Variants in GABRR1 observed in about 807,000 individuals in gnomAD.
The protein encoded by GABRR1 is gamma-aminobutyric acid receptor subunit rho-1.
GABRR1 carries 59 observed loss-of-function variants against 55.5 expected under a neutral mutation model. The ratio of observed to expected loss-of-function variants is 1.06; its 90% CI spans 0.86 to 1.32. GABRR1 has a LOEUF of 1.32. Among genes scored for constraint, GABRR1 ranks in the 40% most tolerant of loss-of-function variants. The pLI is 0.00. For synonymous variants in GABRR1, 213 were observed against 226.0 expected (o/e 0.94, Z 0.51); for missense variants, 602 against 619.1 (o/e 0.97, Z 0.29).
rs371204405 is a variant in GABRR1, at chr6:89,194,735, C to T, written c.572+3285G>A. 1.1e-4 allele frequency among the ~76,000 whole-genome samples: 16 copies of T among 151,974 alleles called. 2 individuals carry two copies. Among genetic ancestry groups the T allele is most frequent in the Admixed American group, 3.9e-4 (6 of 15,268 alleles). ...TCCTGGAACTGAGAAATACATTTGC[C>T]GAACTGAAGAACTCTTTAGAGGCTC... On this transcript the variant is annotated intron_variant, in intron 5 of 9. Transcript: ENST00000454853.
chr6:89,208,466 C>T (rs1008042336), intron 1 of GABRR1, among the ~76,000 whole-genome samples: 34 of 152,230 alleles, frequency 2.2e-4, no homozygotes, highest in African/African-American at 6.3e-4. Flanking sequence ...GGTCAAACAT[C>T]AGTCTAAATG....
chr6:89,195,551 G>T (rs1370333739), intron 5 of GABRR1, among the ~76,000 whole-genome samples: 1 of 151,790 alleles, frequency 6.6e-6, no homozygotes, highest in African/African-American at 2.4e-5. Flanking sequence ...TATTTTCAAA[G>T]TGCTCAAAGA....
intron 2 of GABRR1, among the ~76,000 whole-genome samples, chr6:89,202,302 TG>T (rs56098989): frequency 0.058 from 8,760 of 152,146 alleles, 370 homozygotes; most frequent in South Asian, 0.11. Flanking sequence ...TTTGTTTGTT[TG>T]TTTGTTTTGA....
intron 8 of GABRR1, among the ~76,000 whole-genome samples, chr6:89,181,141 G>C (rs1771705313): frequency 6.6e-6 from 1 of 152,248 alleles, no homozygotes. Flanking sequence ...ACAACTGTTA[G>C]AGGACAAGGC....
rs1772044934 is a variant in GABRR1, at chr6:89,190,228, A to G, written c.592T>C (p.Cys198Arg). The stretch of plus-strand genomic sequence containing the variant: ...GGAAATCGGCTGAAGTCCATGTTGC[A>G]CATTGCAGTTACTGTAACCCTAGGG... ...YSLRVTVTAM[C>R]NMDFSRFPLD... Residue 198 changes from cysteine (C) to arginine (R), a missense_variant, in exon 6 of 10, where the codon TGC becomes CGC. Cys to Arg is a radical substitution (Grantham distance 180). Transcript: ENST00000454853. 6.2e-7 allele frequency: 1 copy of G among 1,608,912 alleles called. No individual in the cohort carries two copies. The highest frequency in any genetic ancestry group is 2.2e-5 in the East Asian group (1 of 44,518).
chr6:89,202,092 A>T (rs1305233658), intron 2 of GABRR1, among the ~76,000 whole-genome samples: 1 of 152,128 alleles, frequency 6.6e-6, no homozygotes, highest in Non-Finnish European at 1.5e-5. Context: ...TCCTGTTTGC[A>T]TGGAAGGTGG....
intron 8 of GABRR1, among the ~76,000 whole-genome samples, chr6:89,181,292 C>T (rs957722825): frequency 6.6e-6 from 1 of 152,148 alleles, no homozygotes; most frequent in African/African-American, 2.4e-5. Context: ...TCGCATTCTC[C>T]CCTGCAGCCC....
chr6:89,217,370 A>G, upstream of GABRR1: 1 of 1,599,974 alleles, frequency 6.3e-7, no homozygotes, highest in Non-Finnish European at 8.5e-7. Context: ...AAAAAGGAAA[A>G]GATTGTTCTT....
intron 8 of GABRR1, 110 bp downstream of exon 8, chr6:89,181,795 A>G: frequency 1.8e-6 from 2 of 1,117,322 alleles, no homozygotes; most frequent in Non-Finnish European, 2.5e-6. Context: ...TCCAAGTCAT[A>G]ACGCCAAAAG....
At chr6:89,231,076 C>G (rs1300116319) in intron 1 of GABRR1, 8 of 152,370 alleles carry the variant, frequency 5.3e-5, no homozygotes, top group African/African-American at 1.9e-4. Context: ...AACTCCCTGA[C>G]CCCTTGCGCT....
Position 89,178,885 on chromosome 6 carries a change from C to G in GABRR1, c.1325G>C (p.Arg442Thr). 6.2e-7 allele frequency: 1 copy of G among 1,614,220 alleles called. No homozygotes were observed. The highest frequency in any genetic ancestry group is 8.5e-7 in the Non-Finnish European group (1 of 1,180,036). ...ERSSPQRKSQRSSYVSMRIDT... is the reference protein window; with the variant it reads ...ERSSPQRKSQTSSYVSMRIDT... ...GATTCTCATGCTCACATAGCTGCTT[C>G]TCTGACTTTTCCTCTGTGGGGAGCT... Residue 442 changes from arginine to threonine, a missense_variant, in exon 10 of 10, where the codon AGA (arginine) becomes ACA (threonine). Physicochemically the swap from Arg to Thr is moderately conservative, Grantham distance 71. Transcript: ENST00000454853.
intron 2 of GABRR1, among the ~76,000 whole-genome samples, chr6:89,202,309 T>A (rs181489030): frequency 6.6e-6 from 1 of 151,234 alleles, no homozygotes; most frequent in African/African-American, 2.4e-5. Context: ...GTTTGTTTGT[T>A]TTGAGACAGT....
intron 5 of GABRR1, among the ~76,000 whole-genome samples, chr6:89,196,277 C>T (rs900774246): frequency 7.9e-5 from 12 of 151,836 alleles, no homozygotes; most frequent in Non-Finnish European, 1.3e-4. Context: ...GAGCATTATA[C>T]GTCCTTTATG....
chr6:89,192,200 G>A (rs991204538), intron 5 of GABRR1, among the ~76,000 whole-genome samples: 1 of 152,088 alleles, frequency 6.6e-6, no homozygotes, highest in Non-Finnish European at 1.5e-5. Flanking sequence ...GTTACCTGGT[G>A]GAAGCTGATA....
At chr6:89,199,461 G>C in intron 3 of GABRR1, 32 bp from the exon 4 acceptor site, 1 of 1,602,908 alleles carries the variant, frequency 6.2e-7, no homozygotes, top group African/African-American at 1.3e-5. Flanking sequence ...AGCATTCACT[G>C]TTTTTACTTG....
chr6:89,188,339 T>C (rs565543499), intron 6 of GABRR1, among the ~76,000 whole-genome samples: 1 of 152,326 alleles, frequency 6.6e-6, no homozygotes, highest in Admixed American at 6.5e-5. Context: ...TTTAATTTTT[T>C]GAGGAGCTGT....
intron 1 of GABRR1, among the ~76,000 whole-genome samples, chr6:89,214,161 C>T (rs574674860): frequency 6.6e-6 from 1 of 152,114 alleles, no homozygotes; most frequent in Non-Finnish European, 1.5e-5. Context: ...GAGAGTGAGT[C>T]TTGTTACTGA....
chr6:89,217,263 C>T lies in GABRR1; in HGVS notation c.60G>A (p.Leu20=). The change falls in exon 1 of 10, where the codon TTG becomes TTA. Residue 20 remains leucine (L), a synonymous_variant. Transcript: ENST00000454853. ...GIFLLWWGWV[L]ATESRMHWPG... is the part of the protein sequence containing the mutation. Reference sequence around the variant, plus strand: ...GCCAGTGCATTCTGCTTTCAGTGGCCAAAACCCATCCCCACCACAAAAGAA... The same window carrying T: ...GCCAGTGCATTCTGCTTTCAGTGGCTAAAACCCATCCCCACCACAAAAGAA... The T allele has an allele frequency of 6.2e-7, 1 of 1,613,964 alleles. No individual in the cohort carries two copies. The highest frequency in any genetic ancestry group is 1.7e-5 in the Admixed American group (1 of 60,014).
intron 1 of GABRR1, among the ~76,000 whole-genome samples, 178 bp from the exon 2 acceptor site, chr6:89,203,663 T>C (rs1772551915): frequency 6.6e-6 from 1 of 152,206 alleles, no homozygotes; most frequent in South Asian, 2.1e-4. Flanking sequence ...ATTTTCCAAG[T>C]ACCTACAGTA....
Sources: allele counts gnomAD v4.1 joint callset (sites outside exome capture counted in the v4.1 genomes callset), GRCh38; gene constraint gnomAD v4.1.1; transcripts MANE v1.5; gene names NCBI Gene and HGNC (gene_info 2026-07-23, HGNC 2026-07-21).